SETD3: variants seen among roughly 807,000 people sequenced by gnomAD.
The protein encoded by SETD3 is SET domain containing 3, actin N3(tau)-histidine methyltransferase.
A neutral mutation model predicts 63.0 loss-of-function variants in SETD3; 19 were observed. That is an observed-to-expected ratio of 0.30 (90% CI 0.21 to 0.44). SETD3 has a LOEUF of 0.44. SETD3 is among the 20% of genes least tolerant of loss of function. SETD3 has a pLI of 1.00. For missense variants in SETD3, 587 were observed against 728.5 expected (o/e 0.81, Z 2.24); for synonymous variants, 286 against 264.1 (o/e 1.08, Z -0.80).
At chr14:99,459,706 T>C (rs141373348) in intron 4 of SETD3, among the ~76,000 whole-genome samples, 237 of 152,358 alleles carry the variant, frequency 1.6e-3, no homozygotes, top group African/African-American at 5.6e-3. Flanking sequence ...ACACATTGGT[T>C]TAGAAATTTG....
chr14:99,457,017 AG>A (rs1195062790), intron 6 of SETD3, among the ~76,000 whole-genome samples: 2 of 152,230 alleles, frequency 1.3e-5, no homozygotes, highest in African/African-American at 4.8e-5. Flanking sequence ...ACAAATACTT[AG>A]ACCTACTAAA....
chr14:99,459,020 A>C, intron 5 of SETD3, 93 bp downstream of exon 5: 1 of 891,514 alleles, frequency 1.1e-6, no homozygotes, highest in Non-Finnish European at 1.7e-6. Context: ...GCCAGTCGAG[A>C]AAAACCAAGT....
intron 6 of SETD3, among the ~76,000 whole-genome samples, chr14:99,446,142 T>C (rs1894117570): frequency 6.6e-6 from 1 of 152,180 alleles, no homozygotes; most frequent in Non-Finnish European, 1.5e-5. Flanking sequence ...CTACACCTGC[T>C]TCCTCACTTA....
chr14:99,458,921 A>AAAT (rs764524514), intron 5 of SETD3, among the ~76,000 whole-genome samples, 192 bp downstream of exon 5: 1 of 152,216 alleles, frequency 6.6e-6, no homozygotes, highest in East Asian at 1.9e-4. Context: ...CCTATCTCAA[A>AAAT]AATAATAATA....
intron 6 of SETD3, among the ~76,000 whole-genome samples, chr14:99,431,966 CAG>C (rs1201418432): frequency 2.6e-5 from 4 of 152,276 alleles, no homozygotes; most frequent in Non-Finnish European, 5.9e-5. Context: ...CATGAATACA[CAG>C]AGAAGTTTTC....
chr14:99,462,664 T>C (rs1407134847), intron 3 of SETD3, among the ~76,000 whole-genome samples: 2 of 152,150 alleles, frequency 1.3e-5, no homozygotes, highest in African/African-American at 4.8e-5. Flanking sequence ...AATAAACCCA[T>C]TATGAAGGAA....
intron 9 of SETD3, among the ~76,000 whole-genome samples, 180 bp from the exon 10 acceptor site, chr14:99,405,551 A>C (rs1318598389): frequency 6.6e-6 from 1 of 152,118 alleles, no homozygotes; most frequent in Non-Finnish European, 1.5e-5. Flanking sequence ...CCAACTTTCC[A>C]AACTGTCTGA....
intron 6 of SETD3, among the ~76,000 whole-genome samples, chr14:99,434,856 A>AAAC: frequency 6.8e-6 from 1 of 147,564 alleles, no homozygotes; most frequent in Admixed American, 6.7e-5. Flanking sequence ...TCAAAAAAAA[A>AAAC]AAAAAAAAAA....
Position 99,398,759 on chromosome 14 carries a change from T to C in SETD3, c.1705A>G (p.Ser569Gly). The C allele has an allele frequency of 6.2e-7, 1 of 1,614,228 alleles. No homozygotes were observed. The highest frequency in any genetic ancestry group is 8.5e-7 in the Non-Finnish European group (1 of 1,180,046). ...IPNGTRSENE[S>G]LNQESKRAVE... ...GCTCTTTTACTTTCTTGATTGAGAC[T>C]TTCATTTTCGGACCTGGTCCCATTA... The change falls in exon 13 of 13, where the codon AGT becomes GGT. Residue 569 changes from serine to glycine, a missense_variant. Physicochemically the swap from Ser to Gly is moderately conservative, Grantham distance 56. Coordinates refer to ENST00000331768, the MANE Select transcript of SETD3 (RefSeq NM_032233.3).
rs143849241 is a variant in SETD3 at position 99,422,561 on chromosome 14, G to A, written c.676-8627C>T. On this transcript the variant is annotated intron_variant, in intron 6 of 12. Coordinates refer to ENST00000331768, the MANE Select transcript of SETD3 (RefSeq NM_032233.3). ...CAGAATCTGAGAACCCTTCTCTGTAGACTGTTGGGGTTCTAACAAAGACAA... is the reference window on the plus strand; with the variant it reads ...CAGAATCTGAGAACCCTTCTCTGTAAACTGTTGGGGTTCTAACAAAGACAA... 4.9e-3 allele frequency among the ~76,000 whole-genome samples: 739 copies of A among 152,272 alleles called. 2 individuals are homozygous for A. Among genetic ancestry groups the A allele is most frequent in the Middle Eastern group, 0.01 (3 of 294 alleles).
Position 99,419,785 on chromosome 14 carries a change from A to C in SETD3, c.676-5851T>G, listed in dbSNP as rs55669369. On this transcript the variant is annotated intron_variant, in intron 6 of 12. Transcript: ENST00000331768. ...GCGAGACTCCGTCTCAAAAAAAAAA[A>C]CAAAAAAAAAAACCTTTTTATTAGC... 6.5e-4 allele frequency among the ~76,000 whole-genome samples: 91 copies of C among 140,080 alleles called. 1 individual carries two copies. Among genetic ancestry groups the C allele is most frequent in the African/African-American group, 2.7e-3 (87 of 31,692 alleles). The allele number at this position is 140,080 out of a possible 152,430, so 91.9% of individuals were successfully genotyped here. A position where few individuals can be genotyped will look rare whatever the true frequency, so the allele number is the denominator to read the frequency against.
At chr14:99,471,288 T>C (rs1262456274) in intron 1 of SETD3, among the ~76,000 whole-genome samples, 2 of 152,270 alleles carry the variant, frequency 1.3e-5, no homozygotes. Context: ...ATTTTCACAT[T>C]GCTCCCAACA....
intron 6 of SETD3, among the ~76,000 whole-genome samples, chr14:99,448,448 G>A (rs1349586001): frequency 1.3e-5 from 2 of 152,140 alleles, no homozygotes; most frequent in Admixed American, 6.5e-5. Flanking sequence ...AACAGTTCCA[G>A]GGGCACACTG....
intron 11 of SETD3, among the ~76,000 whole-genome samples, chr14:99,403,428 C>CAT (rs920630224): frequency 1.4e-5 from 2 of 139,540 alleles, no homozygotes; most frequent in Admixed American, 7.3e-5. Context: ...AACAGCAAAA[C>CAT]ATACACACAC....
At chr14:99,485,469 G>C (rs1055250163), upstream of SETD3, among the ~76,000 whole-genome samples, 1 of 152,138 alleles carries the variant, frequency 6.6e-6, no homozygotes, top group Non-Finnish European at 1.5e-5. Flanking sequence ...CATTCTCAGG[G>C]GAAGAAAGAG....
chr14:99,484,724 A>C (rs1208730605), upstream of SETD3, among the ~76,000 whole-genome samples: 1 of 152,248 alleles, frequency 6.6e-6, no homozygotes, highest in Non-Finnish European at 1.5e-5. Context: ...GCAATGCCAT[A>C]GGCTGTTTTG....
chr14:99,407,970 G>T (rs780988257), intron 8 of SETD3, among the ~76,000 whole-genome samples: 2 of 152,198 alleles, frequency 1.3e-5, no homozygotes, highest in African/African-American at 2.4e-5. Flanking sequence ...CCTTCTCAGA[G>T]TCCTGTCTTT....
intron 1 of SETD3, among the ~76,000 whole-genome samples, chr14:99,468,681 T>A (rs34678166): frequency 6.6e-6 from 1 of 152,164 alleles, no homozygotes; most frequent in South Asian, 2.1e-4. Flanking sequence ...TAGTCACTTA[T>A]TCACTAACTC....
intron 6 of SETD3, among the ~76,000 whole-genome samples, chr14:99,421,022 ATCTTTCGTT>A (rs1687891561): frequency 9.8e-6 from 1 of 102,090 alleles, no homozygotes; most frequent in Non-Finnish European, 1.9e-5. Context: ...AAGACAGTAA[ATCTTTCGTT>A]TCTTTGCCTT....
Sources: allele counts gnomAD v4.1 joint callset (sites outside exome capture counted in the v4.1 genomes callset), GRCh38; gene constraint gnomAD v4.1.1; transcripts MANE v1.5; gene names NCBI Gene and HGNC (gene_info 2026-07-23, HGNC 2026-07-21).